FAF1: variants seen among roughly 807,000 people sequenced by gnomAD.
FAF1 encodes the protein FAS-associated factor 1.
FAF1 carries 25 observed loss-of-function variants against 92.5 expected under a neutral mutation model. The ratio of observed to expected loss-of-function variants is 0.27; its 90% CI spans 0.20 to 0.38. The LOEUF is 0.38. Ranked by LOEUF, FAF1 falls within the 10% of genes least tolerant of loss-of-function variation. The pLI is 1.00. For missense variants in FAF1, 636 were observed against 793.3 expected, an observed-to-expected ratio of 0.80 and a Z score of 2.38; for synonymous variants, 234 against 273.2, an observed-to-expected ratio of 0.86 and a Z score of 1.42.
chr1:50,859,643 T>C (rs1056196482), intron 1 of FAF1, among the ~76,000 whole-genome samples: 2 of 151,896 alleles, frequency 1.3e-5, no homozygotes, highest in African/African-American at 4.8e-5. Context: ...GCTCACAGGT[T>C]GGAAGAATCA....
intron 9 of FAF1, among the ~76,000 whole-genome samples, chr1:50,587,290 A>G (rs966402687): frequency 5.3e-5 from 8 of 152,272 alleles, no homozygotes; most frequent in Admixed American, 5.2e-4. Flanking sequence ...GAATCCCCAA[A>G]CCTCTTAAAA....
chr1:50,477,801 T>C (rs1646656174), intron 17 of FAF1, among the ~76,000 whole-genome samples: 2 of 152,330 alleles, frequency 1.3e-5, no homozygotes, highest in South Asian at 4.1e-4. Context: ...TCATTCCAAA[T>C]ACAGTGCATA....
At chr1:50,651,753 T>A (rs559979992) in intron 8 of FAF1, among the ~76,000 whole-genome samples, 1 of 152,186 alleles carries the variant, frequency 6.6e-6, no homozygotes, top group African/African-American at 2.4e-5. Context: ...CCCTAAGCTG[T>A]GAGGACTATT....
intron 1 of FAF1, among the ~76,000 whole-genome samples, chr1:50,893,616 C>A (rs1312251199): frequency 6.6e-6 from 1 of 152,166 alleles, no homozygotes; most frequent in Admixed American, 6.5e-5. Flanking sequence ...GGCTGCCACA[C>A]TGGGACTGTG....
At chr1:50,601,539 C>G (rs572154797) in intron 8 of FAF1, among the ~76,000 whole-genome samples, 1 of 151,948 alleles carries the variant, frequency 6.6e-6, no homozygotes, top group Non-Finnish European at 1.5e-5. Flanking sequence ...AAAACTAGCT[C>G]GGCATGGTGG....
At chr1:50,571,063 T>G (rs1211996805) in intron 12 of FAF1, among the ~76,000 whole-genome samples, 1 of 152,220 alleles carries the variant, frequency 6.6e-6, no homozygotes, top group East Asian at 1.9e-4. Context: ...ACCTATGTAT[T>G]AGCGATTGAG....
In FAF1 at chr1:50,959,869, C is replaced by G. The variant is rs1295379581; in HGVS notation, c.-58G>C. The G allele has an allele frequency of 1.5e-6, 2 of 1,360,696 alleles. No homozygotes were observed. 84.3% of individuals were successfully genotyped at this position (1,360,696 alleles called of 1,614,324 possible). A position where few individuals can be genotyped will look rare whatever the true frequency, so the allele number is the denominator to read the frequency against. On this transcript the variant is annotated 5_prime_UTR_variant, in exon 1 of 19. Coordinates refer to ENST00000396153, the MANE Select transcript of FAF1 (RefSeq NM_007051.3). ...AAGCGCGCACCTGGGAGGCAGACGG[C>G]ACCTCCTGCGACCGTCGCCGCCACC...
At chr1:50,687,127 C>T (rs1333209739) in intron 7 of FAF1, among the ~76,000 whole-genome samples, 1 of 152,136 alleles carries the variant, frequency 6.6e-6, no homozygotes, top group Non-Finnish European at 1.5e-5. Context: ...TGGTGCCCGA[C>T]CTGAAACTTG....
At chr1:50,450,302 G>A (rs955462954) in intron 18 of FAF1, among the ~76,000 whole-genome samples, 1 of 151,890 alleles carries the variant, frequency 6.6e-6, no homozygotes, top group Non-Finnish European at 1.5e-5. Flanking sequence ...TATGAGATAA[G>A]TACTCCTATT....
At chr1:50,612,621 G>C (rs1363209920) in intron 8 of FAF1, 1 of 320,918 alleles carries the variant, frequency 3.1e-6, no homozygotes, top group Non-Finnish European at 4.5e-6. Flanking sequence ...TTTTCCAGCA[G>C]CATCTAATTC....
intron 15 of FAF1, among the ~76,000 whole-genome samples, chr1:50,529,007 A>G (rs1366905795): frequency 6.6e-6 from 1 of 152,180 alleles, no homozygotes; most frequent in African/African-American, 2.4e-5. Context: ...CATGTTAATC[A>G]ATTATATTAT....
At chr1:50,523,271 G>T (rs763814447) in intron 15 of FAF1, among the ~76,000 whole-genome samples, 8 of 152,022 alleles carry the variant, frequency 5.3e-5, no homozygotes, top group Non-Finnish European at 1.0e-4. Flanking sequence ...GTTCTTTTGG[G>T]TATATGGCCA....
chr1:50,891,457 G>C (rs1009707820), intron 1 of FAF1, among the ~76,000 whole-genome samples: 1 of 152,134 alleles, frequency 6.6e-6, no homozygotes, highest in African/African-American at 2.4e-5. Flanking sequence ...AGAATTTTCA[G>C]CTTTTCTGCT....
intron 15 of FAF1, among the ~76,000 whole-genome samples, chr1:50,523,040 C>A (rs1647586445): frequency 6.6e-6 from 1 of 152,216 alleles, no homozygotes; most frequent in Admixed American, 6.5e-5. Context: ...CTGTGTCTAG[C>A]TTATTTTACT....
At chr1:50,945,381 C>CTGCCAGGAGCAAGCAGGAGCCACATCCCA (rs1645165941) in intron 1 of FAF1, among the ~76,000 whole-genome samples, 1 of 152,218 alleles carries the variant, frequency 6.6e-6, no homozygotes, top group Non-Finnish European at 1.5e-5. Context: ...TGTATTCAAT[C>CTGCCAGGAGCAAGCAGGAGCCACATCCCA]TGCCAGGAGC....
intron 1 of FAF1, among the ~76,000 whole-genome samples, chr1:50,880,321 A>G (rs1407132142): frequency 6.6e-6 from 1 of 152,202 alleles, no homozygotes; most frequent in Admixed American, 6.5e-5. Flanking sequence ...GTAGAGTGAG[A>G]GGAAAGGATT....
At chr1:50,753,667 A>G (rs1169030722) in intron 4 of FAF1, among the ~76,000 whole-genome samples, 1 of 151,692 alleles carries the variant, frequency 6.6e-6, no homozygotes, top group Non-Finnish European at 1.5e-5. Flanking sequence ...TCATTTCTAC[A>G]TTTCCAATGC....
chr1:50,703,247 T>C (rs116057146), intron 7 of FAF1, among the ~76,000 whole-genome samples: 1,976 of 152,286 alleles, frequency 0.013, 42 homozygotes, highest in African/African-American at 0.043. Context: ...CAAAATAGTT[T>C]CACAATTATA....
At chr1:50,456,612 T>C (rs540696875) in intron 18 of FAF1, among the ~76,000 whole-genome samples, 8 of 152,374 alleles carry the variant, frequency 5.3e-5, no homozygotes, top group Admixed American at 5.2e-4. Flanking sequence ...GGGAACATTT[T>C]ATTTCTTCTA....
Sources: allele counts gnomAD v4.1 joint callset (sites outside exome capture counted in the v4.1 genomes callset), GRCh38; gene constraint gnomAD v4.1.1; transcripts MANE v1.5; gene names NCBI Gene and HGNC (gene_info 2026-07-23, HGNC 2026-07-21).